Variants in DSCAML1 observed in about 807,000 individuals in gnomAD.
DSCAML1 encodes the protein cell adhesion molecule DSCAML1.
In DSCAML1, 38 loss-of-function variants were observed where a neutral mutation model predicts 200.5. That is an observed-to-expected ratio of 0.19 (90% CI 0.15 to 0.25). The LOEUF is 0.25. Among genes scored for constraint, DSCAML1 ranks in the 10% least tolerant of loss-of-function variants. The probability of loss-of-function intolerance (pLI) is 1.00; values close to 1 mark genes in which losing one functional copy is unlikely to be tolerated. For missense variants in DSCAML1, 2,223 were observed against 2,858.8 expected, an observed-to-expected ratio of 0.78 and a Z score of 5.07; for synonymous variants, 1,215 against 1,165.0, an observed-to-expected ratio of 1.04 and a Z score of -0.87.
intron 11 of DSCAML1, among the ~76,000 whole-genome samples, chr11:117,497,745 A>C (rs2049319249): frequency 6.6e-6 from 1 of 152,244 alleles, no homozygotes; most frequent in African/African-American, 2.4e-5. Context: ...GAGGCTGGGC[A>C]GGTGAGGCCG....
chr11:117,466,142 C>T (rs1032827823), intron 16 of DSCAML1, among the ~76,000 whole-genome samples: 15 of 152,182 alleles, frequency 9.9e-5, no homozygotes, highest in Non-Finnish European at 2.9e-5. Context: ...GATACTTGTA[C>T]ACTCATGTTC....
At chr11:117,781,361 T>C (rs918898661) in intron 1 of DSCAML1, among the ~76,000 whole-genome samples, 11 of 151,988 alleles carry the variant, frequency 7.2e-5, no homozygotes, top group Non-Finnish European at 2.9e-5. Context: ...TTTTGGAATT[T>C]GTTCAGAATC....
intron 8 of DSCAML1, among the ~76,000 whole-genome samples, chr11:117,507,428 G>C (rs551869740): frequency 1.3e-5 from 2 of 152,284 alleles, no homozygotes; most frequent in South Asian, 4.1e-4. Context: ...GCACTTTCAG[G>C]GCTCAAAAGG....
chr11:117,580,386 G>A (rs564051342), intron 3 of DSCAML1, among the ~76,000 whole-genome samples: 1 of 152,360 alleles, frequency 6.6e-6, no homozygotes, highest in East Asian at 1.9e-4. Context: ...AGGTTTGGAA[G>A]AGGTTTACTC....
chr11:117,430,389 C>A (rs868066138), intron 32 of DSCAML1, among the ~76,000 whole-genome samples: 2 of 152,252 alleles, frequency 1.3e-5, no homozygotes, highest in African/African-American at 4.8e-5. Flanking sequence ...ATGAATGAGG[C>A]CTTACAACAC....
At chr11:117,502,552 G>A (rs947732036) in intron 11 of DSCAML1, among the ~76,000 whole-genome samples, 2 of 152,290 alleles carry the variant, frequency 1.3e-5, no homozygotes, top group African/African-American at 2.4e-5. Context: ...CCTGAGCATC[G>A]ATCGCTGGGG....
rs780626875 is a variant in DSCAML1 at position 117,428,495 on chromosome 11, G to A, written c.5995C>T (p.Pro1999Ser). 2.6e-6 allele frequency: 4 copies of A among 1,533,562 alleles called. No homozygotes were observed. Among genetic ancestry groups the A allele is most frequent in the South Asian group, 2.5e-5 (2 of 80,198 alleles). The allele number at this position is 1,533,562 out of a possible 1,614,324, so 95.0% of individuals were successfully genotyped here. A position where few individuals can be genotyped will look rare whatever the true frequency, so the allele number is the denominator to read the frequency against. The part of the protein sequence containing the change: ...GPTPAEPPTA[P>S]SAAPPAPSTE... ...CTGGGGGCCGGAGGGGCAGCGCTGG[G>A]GGCGGTGGGTGGCTCAGCAGGGGTG... Residue 1999 changes from proline to serine, a missense_variant, in exon 33 of 33, where the codon CCC becomes TCC. This residue lies in a region of DSCAML1 where 280 missense variants were observed against 213.4 expected (regional missense o/e 1.31). Transcript: ENST00000651296.
rs1034642156 is a variant in DSCAML1 at position 117,503,790 on chromosome 11, C to T, written c.2359+55G>A. Reference sequence around the variant, plus strand: ...GAGAGTAGGCAGGGAGAGTGCAGAGCCGGGGCTTGGCTGTGATTTGGGGGT... The same window carrying T: ...GAGAGTAGGCAGGGAGAGTGCAGAGTCGGGGCTTGGCTGTGATTTGGGGGT... On this transcript the variant is annotated intron_variant, in intron 11 of 32. Coordinates refer to ENST00000651296, the MANE Select transcript of DSCAML1 (RefSeq NM_020693.4). The surrounding 1 kb of genome is among the most constrained non-coding windows in gnomAD (Gnocchi z 5.2). 1.9e-6 allele frequency: 3 copies of T among 1,561,314 alleles called. No individual in the cohort carries two copies. The African/African-American group carries it at 4.0e-5, about 21-fold the overall frequency.
chr11:117,756,639 A>G (rs549918930), intron 3 of DSCAML1, among the ~76,000 whole-genome samples: 2 of 152,238 alleles, frequency 1.3e-5, no homozygotes, highest in East Asian at 3.9e-4. Flanking sequence ...TATTTTAGAC[A>G]TGAGAAAGTT....
At chr11:117,559,381 G>A (rs1448238322) in intron 3 of DSCAML1, among the ~76,000 whole-genome samples, 2 of 152,028 alleles carry the variant, frequency 1.3e-5, no homozygotes, top group African/African-American at 4.8e-5. Context: ...CCTCACTTTC[G>A]TAACCAACTG....
intron 3 of DSCAML1, among the ~76,000 whole-genome samples, chr11:117,549,310 A>G (rs1850369784): frequency 6.6e-6 from 1 of 152,206 alleles, no homozygotes; most frequent in African/African-American, 2.4e-5. Flanking sequence ...GGCCCGGCGC[A>G]TGTTGGTCAC....
In DSCAML1 at chr11:117,796,940, C is replaced by G. The variant is rs556580442; in HGVS notation, c.46+94G>C. ...CCTTGCACCCCGGTCGGTTCCCCCACGCACCTGGAGCCCGCCGGGCACCCC... is the reference window on the plus strand; with the variant it reads ...CCTTGCACCCCGGTCGGTTCCCCCAGGCACCTGGAGCCCGCCGGGCACCCC... On this transcript the variant is annotated intron_variant, in intron 1 of 32. Transcript: ENST00000651296. The G allele has an allele frequency of 2.7e-3, 2,714 of 989,120 alleles. 9 individuals are homozygous for G. The highest frequency in any genetic ancestry group is 3.4e-3 in the Non-Finnish European group (2,588 of 757,342). The allele number at this position is 989,120 out of a possible 1,614,324, so 61.3% of individuals were successfully genotyped here.
At chr11:117,557,636 C>T (rs1329484329) in intron 3 of DSCAML1, among the ~76,000 whole-genome samples, 3 of 152,186 alleles carry the variant, frequency 2.0e-5, no homozygotes, top group Non-Finnish European at 4.4e-5. Flanking sequence ...TTTGGGTAGC[C>T]GGAAGAAAGA....
chr11:117,753,841 T>C (rs947333509), intron 3 of DSCAML1, among the ~76,000 whole-genome samples: 3 of 152,188 alleles, frequency 2.0e-5, no homozygotes, highest in African/African-American at 7.2e-5. Context: ...CTGGTTCTAG[T>C]TCTCATGCTG....
chr11:117,522,060 T>C (rs1473334495), intron 5 of DSCAML1, among the ~76,000 whole-genome samples: 1 of 152,212 alleles, frequency 6.6e-6, no homozygotes, highest in Admixed American at 6.5e-5. Flanking sequence ...TTCAAAGGGG[T>C]TCCGTTGTCA....
At chr11:117,810,718 A>G (rs533020047) in intron 1 of DSCAML1, among the ~76,000 whole-genome samples, 73 of 152,340 alleles carry the variant, frequency 4.8e-4, no homozygotes, top group African/African-American at 1.5e-3. Flanking sequence ...ATAGCCGGAA[A>G]ACAGCTCTTT....
intron 3 of DSCAML1, among the ~76,000 whole-genome samples, chr11:117,731,028 G>T (rs535093636): frequency 5.3e-5 from 8 of 152,242 alleles, no homozygotes; most frequent in Middle Eastern, 3.4e-3. Context: ...ATGGTTGTGG[G>T]GTTTCCTTTA....
At chr11:117,459,045 G>T in intron 18 of DSCAML1, 136 bp from the exon 19 acceptor site, 1 of 1,157,248 alleles carries the variant, frequency 8.6e-7, no homozygotes, top group Non-Finnish European at 1.2e-6. Flanking sequence ...GGACTAGAGG[G>T]TCTTTCACCT....
rs192673140 is a variant in DSCAML1, at chr11:117,505,995, G to A, written c.1784-263C>T. ...AACTCTGACCTTTTGATGTGTCCTG[G>A]AATTTGATTCATGCCTGCTGATCTC... On this transcript the variant is annotated intron_variant, in intron 8 of 32. Transcript: ENST00000651296. This position sits in a 1 kb window ranked among gnomAD's most constrained non-coding sequence, Gnocchi z 6.7. Among the ~76,000 whole-genome samples, 41 of 152,292 alleles carry A rather than the reference G, an allele frequency of 2.7e-4. No individual in the cohort carries two copies. The South Asian group carries it at 3.9e-3, about 15-fold the overall frequency.
Sources: gnomAD v4.1 joint callset for allele counts (sites outside exome capture counted in the v4.1 genomes callset) on GRCh38, gnomAD v4.1.1 for gene constraint, gnomAD v4.1.1 regional missense constraint, Gnocchi (gnomAD v3.1) non-coding constraint, MANE v1.5 for transcripts, NCBI Gene and HGNC (gene_info 2026-07-23, HGNC 2026-07-21) for gene names.